The following HEATR5A variants were observed in gnomAD, a reference collection of about 807,000 sequenced individuals.
HEATR5A encodes HEAT repeat-containing protein 5A.
A neutral mutation model predicts 218.8 loss-of-function variants in HEATR5A; 178 were observed. That is an observed-to-expected ratio of 0.81 (90% CI 0.72 to 0.92). HEATR5A has a LOEUF of 0.92. Among genes scored for constraint, HEATR5A ranks in the 40% least tolerant of loss-of-function variants. The probability of loss-of-function intolerance (pLI) is 0.00; values close to 1 mark genes in which losing one functional copy is unlikely to be tolerated. For missense variants in HEATR5A, 2,420 were observed against 2,418.9 expected, an observed-to-expected ratio of 1.00 and a Z score of -0.01; for synonymous variants, 864 against 871.6, an observed-to-expected ratio of 0.99 and a Z score of 0.15.
intron 27 of HEATR5A, 27 bp downstream of exon 27, chr14:31,315,743 T>G: frequency 6.6e-7 from 1 of 1,521,378 alleles, no homozygotes; most frequent in African/African-American, 1.4e-5. Context: ...CTTCCAAAAT[T>G]CCAGTTACAA....
intron 29 of HEATR5A, among the ~76,000 whole-genome samples, 190 bp downstream of exon 29, chr14:31,308,744 T>C (rs1370319649): frequency 6.6e-6 from 1 of 152,102 alleles, no homozygotes; most frequent in Non-Finnish European, 1.5e-5. Context: ...TTGACACTAA[T>C]TCTGACATAA....
rs746010170 is a variant in HEATR5A at position 31,292,069 on chromosome 14, C to T, written c.*1236G>A. 44 of 152,142 alleles carry T rather than the reference C, an allele frequency of 2.9e-4. No homozygotes were observed. The highest frequency in any genetic ancestry group is 5.9e-4 in the Non-Finnish European group (40 of 68,018). The allele number at this position is 152,142 out of a possible 1,614,324, so 9.4% of individuals were successfully genotyped here. On this transcript the variant is annotated 3_prime_UTR_variant, in exon 36 of 36. Transcript: ENST00000543095. ...GAAGGAGAATCAACAATCATGAACA[C>T]AGTTAAAAAATATTTTTCAACCAAT... is the stretch of plus-strand genomic sequence containing the variant.
Position 31,387,449 on chromosome 14 carries a change from CATTT to C in HEATR5A, c.934-78_934-75del, listed in dbSNP as rs1044440255. 2.6e-4 allele frequency: 281 copies of C among 1,073,150 alleles called. 1 individual carries two copies. Among genetic ancestry groups the C allele is most frequent in the Admixed American group, 4.7e-4 (17 of 36,330 alleles). 66.5% of individuals were successfully genotyped at this position (1,073,150 alleles called of 1,614,324 possible). ...GTATTCTCCCCCACAAAACATGTAGCATTTATTAATATTTTTCTTATTCCTTATA... is the reference window on the plus strand; with the variant it reads ...GTATTCTCCCCCACAAAACATGTAGCATTAATATTTTTCTTATTCCTTATA... On this transcript the variant is annotated intron_variant, in intron 7 of 35. Transcript: ENST00000543095.
At position 31,400,474 on chromosome 14, in the gene HEATR5A, C is replaced by A; in HGVS notation, c.165G>T (p.Gln55His). The A allele has an allele frequency of 6.5e-7, 1 of 1,535,844 alleles. No homozygotes were observed. Among genetic ancestry groups the A allele is most frequent in the Non-Finnish European group, 8.7e-7 (1 of 1,146,744 alleles). Reference protein sequence around the residue: ...VREKQKTLVEQLLSLLNSSPG... With the variant: ...VREKQKTLVEHLLSLLNSSPG... Reference sequence around the variant, plus strand: ...GGGAGCTGTTCAACAAAGACAGGAGCTGTTCAACAAGAGTCTTCTGTTTCT... The same window carrying A: ...GGGAGCTGTTCAACAAAGACAGGAGATGTTCAACAAGAGTCTTCTGTTTCT... The change falls in exon 3 of 36, where the codon CAG becomes CAT. Residue 55 changes from glutamine to histidine, a missense_variant. Physicochemically the swap from Gln to His is conservative, Grantham distance 24. Coordinates refer to ENST00000543095, the MANE Select transcript of HEATR5A (RefSeq NM_015473.4).
chr14:31,350,822 G>A, intron 16 of HEATR5A, 105 bp from the exon 17 acceptor site: 2 of 667,666 alleles, frequency 3.0e-6, no homozygotes, highest in South Asian at 3.5e-5. Flanking sequence ...CTGTCACCCA[G>A]GCTAGAGTAT....
rs751905903 is a variant in HEATR5A at position 31,374,953 on chromosome 14, C to T, written c.1724G>A (p.Ser575Asn). The change falls in exon 12 of 36, where the codon AGC becomes AAC. Residue 575 changes from serine (S) to asparagine (N), a missense_variant. Ser to Asn is a conservative substitution (Grantham distance 46, BLOSUM62 1). Transcript: ENST00000543095. The part of the protein sequence containing the change: ...ALMTLGPAVV[S>N]HHLARVLLLW... ...CAGCAGAACTCGAGCAAGGTGATGG[C>T]TAACAACTGCAGGACCTGTAATTTA... 28 of 1,607,848 alleles carry T rather than the reference C, an allele frequency of 1.7e-5. No individual in the cohort carries two copies. In the East Asian group the frequency reaches 6.3e-4, roughly 36 times the overall value.
intron 1 of HEATR5A, among the ~76,000 whole-genome samples, chr14:31,413,551 G>A (rs953662359): frequency 1.2e-4 from 19 of 152,110 alleles, no homozygotes; most frequent in South Asian, 4.2e-4. Flanking sequence ...CCCCGGAAGC[G>A]TAAAAGAAAG....
chr14:31,323,928 T>C (rs1408769210), intron 23 of HEATR5A, 124 bp from the exon 24 acceptor site: 1 of 620,854 alleles, frequency 1.6e-6, no homozygotes, highest in African/African-American at 1.9e-5. Context: ...TTGCTACTGA[T>C]CAATCATCTT....
intron 28 of HEATR5A, among the ~76,000 whole-genome samples, chr14:31,311,816 G>A (rs1457858134): frequency 6.6e-6 from 1 of 152,124 alleles, no homozygotes; most frequent in Non-Finnish European, 1.5e-5. Flanking sequence ...GGTGTCACTC[G>A]CATCAATCAA....
chr14:31,309,961 C>T (rs2139144969), intron 28 of HEATR5A, among the ~76,000 whole-genome samples: 1 of 152,202 alleles, frequency 6.6e-6, no homozygotes, highest in East Asian at 1.9e-4. Context: ...CTTCAGCCTC[C>T]CAAAGTGCTG....
intron 22 of HEATR5A, among the ~76,000 whole-genome samples, chr14:31,332,248 T>C (rs1900497604): frequency 6.6e-6 from 1 of 152,250 alleles, no homozygotes; most frequent in Non-Finnish European, 1.5e-5. Flanking sequence ...TTTAATAGTT[T>C]TGGAGTGCCA....
At position 31,329,694 on chromosome 14, in the gene HEATR5A, C is replaced by G. The variant is rs555015477; in HGVS notation, c.3368-3352G>C. On this transcript the variant is annotated intron_variant, in intron 22 of 35. Transcript: ENST00000543095. ...GTAAGCTGTCAGTGGATCTACCACT[C>G]TGGGGTCTAGAGACCCTCTTCTTTT... Among the ~76,000 whole-genome samples, 5 of 152,220 alleles carry G rather than the reference C, an allele frequency of 3.3e-5. 1 individual carries two copies. In the South Asian group the frequency reaches 1.0e-3, roughly 32 times the overall value.
intron 33 of HEATR5A, among the ~76,000 whole-genome samples, chr14:31,299,307 T>TTGTC (rs1899288418): frequency 6.6e-6 from 1 of 152,250 alleles, no homozygotes; most frequent in Non-Finnish European, 1.5e-5. Flanking sequence ...TTCATCATTT[T>TTGTC]AATCCTTTTT....
At chr14:31,385,617 G>A (rs943865315) in intron 9 of HEATR5A, among the ~76,000 whole-genome samples, 2 of 152,100 alleles carry the variant, frequency 1.3e-5, no homozygotes, top group African/African-American at 4.8e-5. Flanking sequence ...TCTTCCTGGG[G>A]TAATGAAAAG....
chr14:31,344,959 G>T, intron 20 of HEATR5A, 128 bp downstream of exon 20: 1 of 726,300 alleles, frequency 1.4e-6, no homozygotes, highest in Non-Finnish European at 2.3e-6. Context: ...CAGGCTGAAT[G>T]GCATTTATAC....
At chr14:31,353,727 C>T (rs551903417) in intron 16 of HEATR5A, among the ~76,000 whole-genome samples, 17 of 80,692 alleles carry the variant, frequency 2.1e-4, no homozygotes, top group African/African-American at 4.7e-4. Context: ...CAGAATGAGA[C>T]GCTGCCTCAA....
chr14:31,380,332 C>T, intron 11 of HEATR5A, 135 bp downstream of exon 11: 1 of 586,212 alleles, frequency 1.7e-6, no homozygotes. Context: ...GTGACTACTA[C>T]AAGAAAAATG....
At chr14:31,312,434 CAG>C (rs1899786472) in intron 28 of HEATR5A, among the ~76,000 whole-genome samples, 2 of 144,710 alleles carry the variant, frequency 1.4e-5, no homozygotes, top group Middle Eastern at 3.6e-3. Flanking sequence ...TTTTTTGAGA[CAG>C]AGTCTCACTC....
At chr14:31,307,525 T>G (rs1241773823) in intron 30 of HEATR5A, among the ~76,000 whole-genome samples, 2 of 152,182 alleles carry the variant, frequency 1.3e-5, no homozygotes, top group African/African-American at 4.8e-5. Context: ...ACCCATTAGA[T>G]TCTCTCTTGG....
Sources: allele counts gnomAD v4.1 joint callset (sites outside exome capture counted in the v4.1 genomes callset), GRCh38; gene constraint gnomAD v4.1.1; transcripts MANE v1.5; gene names NCBI Gene and HGNC (gene_info 2026-07-23, HGNC 2026-07-21).